GPC6: variants seen among roughly 807,000 people sequenced by gnomAD.
The protein encoded by GPC6 is glypican-6.
GPC6 carries 14 observed loss-of-function variants against 55.2 expected under a neutral mutation model. The observed-to-expected ratio is 0.25, with a 90% CI of 0.17 to 0.40. The LOEUF (loss-of-function observed/expected upper bound fraction) is 0.40, where lower values mean the gene tolerates loss of function less well. Among genes scored for constraint, GPC6 ranks in the 10% least tolerant of loss-of-function variants. The probability of loss-of-function intolerance (pLI) is 1.00; values close to 1 mark genes in which losing one functional copy is unlikely to be tolerated. For synonymous variants in GPC6, 278 were observed against 259.6 expected, an observed-to-expected ratio of 1.07 and a Z score of -0.68; for missense variants, 641 against 708.5, an observed-to-expected ratio of 0.90 and a Z score of 1.08.
intron 4 of GPC6, among the ~76,000 whole-genome samples, chr13:94,224,422 C>T (rs1890484742): frequency 6.6e-6 from 1 of 151,910 alleles, no homozygotes; most frequent in Non-Finnish European, 1.5e-5. Flanking sequence ...TCATTTAGTC[C>T]ATCCCTAATA....
chr13:93,759,183 A>G (rs146279577), intron 2 of GPC6, among the ~76,000 whole-genome samples: 5 of 152,202 alleles, frequency 3.3e-5, no homozygotes, highest in African/African-American at 7.2e-5. Flanking sequence ...GCTGATTATA[A>G]CACTTCTCTG....
intron 4 of GPC6, among the ~76,000 whole-genome samples, chr13:94,192,960 T>G (rs1889446640): frequency 6.6e-6 from 1 of 152,076 alleles, no homozygotes; most frequent in Non-Finnish European, 1.5e-5. Context: ...GGGAATTTGT[T>G]GAAACCAAAA....
chr13:93,778,840 G>T (rs1885547663), intron 2 of GPC6, among the ~76,000 whole-genome samples: 1 of 152,152 alleles, frequency 6.6e-6, no homozygotes, highest in Non-Finnish European at 1.5e-5. Context: ...TTAAGTTTCT[G>T]GGTTGGCTGG....
intron 2 of GPC6, among the ~76,000 whole-genome samples, chr13:93,791,591 G>A (rs1416363572): frequency 2.0e-5 from 3 of 151,962 alleles, no homozygotes; most frequent in African/African-American, 7.3e-5. Flanking sequence ...CACAGGCCTC[G>A]TTGTTTTTCT....
intron 2 of GPC6, among the ~76,000 whole-genome samples, chr13:93,737,977 T>G (rs557766913): frequency 2.6e-5 from 4 of 152,232 alleles, no homozygotes; most frequent in African/African-American, 9.6e-5. Flanking sequence ...CTCCTCAAAC[T>G]TCTTATATTT....
At chr13:93,653,634 AC>A (rs1466894260) in intron 2 of GPC6, among the ~76,000 whole-genome samples, 1 of 42,428 alleles carries the variant, frequency 2.4e-5, no homozygotes, top group Admixed American at 2.3e-4. Flanking sequence ...ATGATTTTAA[AC>A]TTAAAAAAAA....
chr13:93,292,117 T>C (rs1878337792), intron 1 of GPC6, among the ~76,000 whole-genome samples: 1 of 152,212 alleles, frequency 6.6e-6, no homozygotes, highest in African/African-American at 2.4e-5. Context: ...AATTCATCAT[T>C]GATAAGCCAT....
intron 6 of GPC6, among the ~76,000 whole-genome samples, chr13:94,320,026 C>G (rs1876734642): frequency 6.6e-6 from 1 of 152,150 alleles, no homozygotes; most frequent in Non-Finnish European, 1.5e-5. Context: ...CTGTCTCACT[C>G]CATCCTCCAC....
rs1555318549 is a variant in GPC6 at position 93,633,674 on chromosome 13, A to ATAAC, written c.319+88254_319+88257dup. The stretch of plus-strand genomic sequence containing the variant: ...AATAAATAAATAAATAAATAAATAA[A>ATAAC]TAACCAAAGTTTTTGCCACAAAACT... On this transcript the variant is annotated intron_variant, in intron 2 of 8. Coordinates refer to ENST00000377047, the MANE Select transcript of GPC6 (RefSeq NM_005708.5). Among the ~76,000 whole-genome samples the ATAAC allele has an allele frequency of 5.8e-4, 85 of 146,656 alleles. No homozygotes were observed. In the East Asian group the frequency reaches 0.014, roughly 25 times the overall value.
At chr13:93,908,673 G>A (rs115860840) in intron 3 of GPC6, among the ~76,000 whole-genome samples, 1 of 152,270 alleles carries the variant, frequency 6.6e-6, no homozygotes, top group Admixed American at 6.5e-5. Flanking sequence ...TCATTTTCCT[G>A]TATGGCTCCA....
chr13:94,316,997 GTCT>G (rs1209691268), intron 6 of GPC6, among the ~76,000 whole-genome samples: 1 of 152,166 alleles, frequency 6.6e-6, no homozygotes, highest in Non-Finnish European at 1.5e-5. Flanking sequence ...ACCTGCTGTT[GTCT>G]TCTTGTACAA....
At chr13:93,589,731 A>C (rs1458215904) in intron 2 of GPC6, among the ~76,000 whole-genome samples, 1 of 152,212 alleles carries the variant, frequency 6.6e-6, no homozygotes, top group Non-Finnish European at 1.5e-5. Context: ...AAATGCATTT[A>C]TTGTGACCCT....
intron 3 of GPC6, among the ~76,000 whole-genome samples, chr13:93,845,698 T>G (rs1222682504): frequency 6.8e-6 from 1 of 147,608 alleles, no homozygotes; most frequent in Non-Finnish European, 1.5e-5. Flanking sequence ...ATGGATGAAA[T>G]TGGAAATCAT....
intron 2 of GPC6, among the ~76,000 whole-genome samples, chr13:93,680,112 T>C (rs1362730188): frequency 6.6e-6 from 1 of 152,188 alleles, no homozygotes; most frequent in African/African-American, 2.4e-5. Flanking sequence ...AATGTGATTT[T>C]ATCTGGAGAT....
At chr13:94,169,014 C>T (rs1394536218) in intron 4 of GPC6, among the ~76,000 whole-genome samples, 1 of 152,022 alleles carries the variant, frequency 6.6e-6, no homozygotes, top group Non-Finnish European at 1.5e-5. Context: ...ACAACAGTTT[C>T]GTAAGAGGCT....
chr13:93,961,713 C>T (rs1288368934), intron 3 of GPC6, among the ~76,000 whole-genome samples: 4 of 152,156 alleles, frequency 2.6e-5, no homozygotes, highest in African/African-American at 9.7e-5. Flanking sequence ...TGAACTTCTA[C>T]TAAAATTTCA....
intron 2 of GPC6, among the ~76,000 whole-genome samples, chr13:93,788,742 A>T (rs796312348): frequency 6.6e-6 from 1 of 152,102 alleles, no homozygotes; most frequent in South Asian, 2.1e-4. Context: ...AGGGCCAGAG[A>T]TCCAGAAGGG....
At chr13:94,015,483 C>A (rs950951750) in intron 3 of GPC6, among the ~76,000 whole-genome samples, 1 of 152,066 alleles carries the variant, frequency 6.6e-6, no homozygotes, top group Non-Finnish European at 1.5e-5. Flanking sequence ...ATGTTACTTT[C>A]CTGACAGTGT....
intron 6 of GPC6, among the ~76,000 whole-genome samples, chr13:94,345,568 G>C (rs890419540): frequency 3.3e-5 from 5 of 151,998 alleles, no homozygotes; most frequent in Non-Finnish European, 7.4e-5. Flanking sequence ...TCTCTAAAAG[G>C]GGCATAGTGC....
Sources: allele counts gnomAD v4.1 joint callset (sites outside exome capture counted in the v4.1 genomes callset), GRCh38; gene constraint gnomAD v4.1.1; transcripts MANE v1.5; gene names NCBI Gene and HGNC (gene_info 2026-07-23, HGNC 2026-07-21).